Variants in CDH4 observed in about 807,000 individuals in gnomAD.
The protein encoded by CDH4 is cadherin 4.
A neutral mutation model predicts 86.0 loss-of-function variants in CDH4; 33 were observed. The ratio of observed to expected loss-of-function variants is 0.38; its 90% confidence interval spans 0.29 to 0.51. CDH4 has a LOEUF of 0.51. Among genes scored for constraint, CDH4 ranks in the 20% least tolerant of loss-of-function variants. CDH4 has a pLI of 0.86. For synonymous variants in CDH4, 555 were observed against 549.4 expected (o/e 1.01, Z -0.14); for missense variants, 1,114 against 1,307.4 (o/e 0.85, Z 2.28).
Position 61,289,368 on chromosome 20 carries a change from G to C in CDH4, c.169+34431G>C, listed in dbSNP as rs1025078598. ...CTGACCCAGGGTCATTTGGCCCCCAGGCTAAGTCTTCTAGCCCTGAAGCCC... is the reference window on the plus strand; with the variant it reads ...CTGACCCAGGGTCATTTGGCCCCCACGCTAAGTCTTCTAGCCCTGAAGCCC... On this transcript the variant is annotated intron_variant, in intron 2 of 15. Coordinates refer to ENST00000614565, the MANE Select transcript of CDH4 (RefSeq NM_001794.5). Among the ~76,000 whole-genome samples, 3 of 152,332 alleles carry C rather than the reference G, an allele frequency of 2.0e-5. No homozygotes were observed. In the East Asian group the frequency reaches 5.8e-4, roughly 29 times the overall value.
At chr20:61,855,371 G>A (rs992957089) in intron 6 of CDH4, among the ~76,000 whole-genome samples, 12 of 152,182 alleles carry the variant, frequency 7.9e-5, no homozygotes, top group African/African-American at 2.4e-4. Context: ...CTGGAACCAT[G>A]GGCAGCTGGT....
intron 2 of CDH4, among the ~76,000 whole-genome samples, chr20:61,524,466 T>C (rs891088800): frequency 2.6e-5 from 4 of 151,668 alleles, no homozygotes; most frequent in Non-Finnish European, 4.4e-5. Flanking sequence ...GCACTAATTT[T>C]GCAACTTCTA....
At chr20:61,433,519 A>T (rs1281073816) in intron 2 of CDH4, among the ~76,000 whole-genome samples, 2 of 149,130 alleles carry the variant, frequency 1.3e-5, no homozygotes, top group East Asian at 3.9e-4. Flanking sequence ...AAAAAAAAAA[A>T]CCTGCTAGAA....
At chr20:61,394,955 G>A (rs187654960) in intron 2 of CDH4, among the ~76,000 whole-genome samples, 85 of 144,242 alleles carry the variant, frequency 5.9e-4, no homozygotes, top group Non-Finnish European at 9.2e-4. Flanking sequence ...CTGGAAAAGC[G>A]CTCCCTGAGC....
chr20:61,274,419 TACCATGTGCAGTTTG>T (rs2084212828), intron 2 of CDH4, among the ~76,000 whole-genome samples: 1 of 85,238 alleles, frequency 1.2e-5, no homozygotes. Context: ...TTTGGGGGAG[TACCATGTGCAGTTTG>T]GGGGAGTACT....
At chr20:61,502,947 C>T (rs568952238) in intron 2 of CDH4, among the ~76,000 whole-genome samples, 151 of 152,256 alleles carry the variant, frequency 9.9e-4, no homozygotes, top group South Asian at 2.1e-3. Flanking sequence ...ACTGAAGTGT[C>T]GCTCACCGTG....
At chr20:61,590,673 G>C (rs1053259598) in intron 2 of CDH4, among the ~76,000 whole-genome samples, 1 of 152,032 alleles carries the variant, frequency 6.6e-6, no homozygotes, top group Non-Finnish European at 1.5e-5. Context: ...CTGGGGACTT[G>C]GGTCGGGTTT....
intron 2 of CDH4, among the ~76,000 whole-genome samples, chr20:61,688,176 G>A (rs892244640): frequency 2.0e-5 from 3 of 152,058 alleles, no homozygotes; most frequent in Non-Finnish European, 4.4e-5. Context: ...AATGTTAGGG[G>A]TGACGTCGTG....
At chr20:61,550,292 C>T (rs2086120015) in intron 2 of CDH4, among the ~76,000 whole-genome samples, 1 of 140,442 alleles carries the variant, frequency 7.1e-6, no homozygotes, top group Non-Finnish European at 1.5e-5. Context: ...CCTGGCCTCC[C>T]TGCCCCAACC....
At chr20:61,599,885 C>T (rs2086585308) in intron 2 of CDH4, 2 of 985,382 alleles carry the variant, frequency 2.0e-6, no homozygotes, top group South Asian at 4.7e-5. Context: ...TCTTCTCAGC[C>T]GTGCACTCAC....
intron 2 of CDH4, among the ~76,000 whole-genome samples, chr20:61,705,542 T>C (rs2087820194): frequency 6.6e-6 from 1 of 152,224 alleles, no homozygotes; most frequent in Non-Finnish European, 1.5e-5. Context: ...TGGCCATTCA[T>C]GCAAGCAGCA....
intron 4 of CDH4, among the ~76,000 whole-genome samples, chr20:61,841,182 A>G (rs1982148599): frequency 6.6e-6 from 1 of 152,174 alleles, no homozygotes; most frequent in Non-Finnish European, 1.5e-5. Flanking sequence ...CCACTCGAGC[A>G]CCTACTGCGT....
At chr20:61,422,859 C>G (rs2085187717) in intron 2 of CDH4, among the ~76,000 whole-genome samples, 1 of 152,184 alleles carries the variant, frequency 6.6e-6, no homozygotes, top group South Asian at 2.1e-4. Context: ...AGCCTCAGTG[C>G]TTCTCCTGCT....
chr20:61,709,590 A>AT lies in CDH4; in HGVS notation c.170-33960dup, dbSNP rs5842362. Among the ~76,000 whole-genome samples the AT allele has an allele frequency of 0.36, 53,499 of 148,036 alleles. 10,974 individuals carry two copies. Among genetic ancestry groups the AT allele is most frequent in the Non-Finnish European group, 0.47 (31,603 of 66,976 alleles). ...TGTGCCTGGCAATTTTTGAATGACA[A>AT]TTTTTTTTTTTTTATCGCTGGCTAA... On this transcript the variant is annotated intron_variant, in intron 2 of 15. Transcript: ENST00000614565. The surrounding 1 kb of genome is among the most constrained non-coding windows in gnomAD (Gnocchi z 4.8).
At chr20:61,603,417 G>A (rs945246376) in intron 2 of CDH4, among the ~76,000 whole-genome samples, 3 of 152,302 alleles carry the variant, frequency 2.0e-5, no homozygotes, top group South Asian at 2.1e-4. Flanking sequence ...AGATCTGGAC[G>A]AGGAGACTCT....
At chr20:61,452,107 T>G (rs1279102033) in intron 2 of CDH4, among the ~76,000 whole-genome samples, 2 of 152,216 alleles carry the variant, frequency 1.3e-5, no homozygotes, top group African/African-American at 4.8e-5. Context: ...CAGCCTGTGC[T>G]TGGGCTCCAC....
intron 2 of CDH4, among the ~76,000 whole-genome samples, chr20:61,574,119 C>T (rs2086365314): frequency 6.6e-6 from 1 of 152,230 alleles, no homozygotes; most frequent in Non-Finnish European, 1.5e-5. Flanking sequence ...GGCCTCGTGG[C>T]CTGGGCCCCT....
At chr20:61,479,101 T>A (rs1265492681) in intron 2 of CDH4, among the ~76,000 whole-genome samples, 1 of 152,194 alleles carries the variant, frequency 6.6e-6, no homozygotes, top group Non-Finnish European at 1.5e-5. Flanking sequence ...GTGGCTCTTA[T>A]CTTTGTTCCT....
At chr20:61,718,422 C>T (rs1055171023) in intron 2 of CDH4, 3 of 199,602 alleles carry the variant, frequency 1.5e-5, no homozygotes, top group Admixed American at 5.1e-5. Flanking sequence ...GAATGCTCCT[C>T]TCTGGCTCTG....
Sources: gnomAD v4.1 joint callset for allele counts (sites outside exome capture counted in the v4.1 genomes callset) on GRCh38, gnomAD v4.1.1 for gene constraint, Gnocchi (gnomAD v3.1) non-coding constraint, MANE v1.5 for transcripts, NCBI Gene and HGNC (gene_info 2026-07-23, HGNC 2026-07-21) for gene names.